GLRA1: variants seen among roughly 807,000 people sequenced by gnomAD.
The protein encoded by GLRA1 is glycine receptor alpha 1, also known as glycine receptor subunit alpha-1.
In GLRA1, 37 loss-of-function variants were observed where a neutral mutation model predicts 48.3. The ratio of observed to expected loss-of-function variants is 0.77; its 90% confidence interval spans 0.59 to 1.01. The LOEUF (loss-of-function observed/expected upper bound fraction) is 1.01, where lower values mean the gene tolerates loss of function less well. Among genes scored for constraint, GLRA1 ranks in the 50% least tolerant of loss-of-function variants. The pLI is 0.00. For missense variants in GLRA1, 427 were observed against 571.0 expected (o/e 0.75, Z 2.57); for synonymous variants, 196 against 210.7 (o/e 0.93, Z 0.60).
At chr5:151,869,105 AT>A (rs112857798) in intron 3 of GLRA1, among the ~76,000 whole-genome samples, 7,098 of 145,678 alleles carry the variant, frequency 0.049, 572 homozygotes, top group African/African-American at 0.17. Context: ...CATTTGCTAA[AT>A]TTTTTTTTTT....
At chr5:151,824,846 A>G (rs576294855) in intron 8 of GLRA1, among the ~76,000 whole-genome samples, 2 of 151,790 alleles carry the variant, frequency 1.3e-5, no homozygotes, top group East Asian at 1.9e-4. Context: ...TGCACTCTCA[A>G]CACTGAACAT....
At chr5:151,827,981 G>A (rs1763320403) in intron 8 of GLRA1, among the ~76,000 whole-genome samples, 1 of 152,144 alleles carries the variant, frequency 6.6e-6, no homozygotes, top group African/African-American at 2.4e-5. Flanking sequence ...TAGGCATTGT[G>A]TTAGGCACCA....
At chr5:151,824,374 T>C (rs1763220928) in intron 8 of GLRA1, among the ~76,000 whole-genome samples, 1 of 152,014 alleles carries the variant, frequency 6.6e-6, no homozygotes, top group Non-Finnish European at 1.5e-5. Context: ...TGGTCATCTT[T>C]TGCTTAGAAC....
chr5:151,867,918 T>C (rs1382438885), intron 3 of GLRA1, among the ~76,000 whole-genome samples: 2 of 152,208 alleles, frequency 1.3e-5, no homozygotes, highest in African/African-American at 4.8e-5. Flanking sequence ...AATGTCACAG[T>C]TTGATTTCAG....
At chr5:151,899,149 A>T (rs899146028) in intron 1 of GLRA1, among the ~76,000 whole-genome samples, 5 of 152,130 alleles carry the variant, frequency 3.3e-5, no homozygotes, top group African/African-American at 1.2e-4. Flanking sequence ...ATTCGATTTG[A>T]CTGGCCTTTG....
chr5:151,825,217 C>G (rs916747971), intron 8 of GLRA1, among the ~76,000 whole-genome samples: 7 of 152,114 alleles, frequency 4.6e-5, no homozygotes, highest in African/African-American at 1.4e-4. Flanking sequence ...AATTGCTGGA[C>G]CTAGTACTTA....
In GLRA1 at chr5:151,822,774, T is replaced by C; in HGVS notation, c.1249A>G (p.Lys417Glu). The change falls in exon 9 of 9, where the codon AAA becomes GAA. Residue 417 changes from lysine (K) to glutamate (E), a missense_variant. By Grantham distance (56) the Lys-to-Glu change is moderately conservative. Transcript: ENST00000274576. ...LFIQRAKKIDKISRIGFPMAF... is the reference protein window; with the variant it reads ...LFIQRAKKIDEISRIGFPMAF... ...ATGGGGAAGCCAATGCGGGATATTTTGTCGATCTTCTTGGCCCTCTGGATG... is the reference window on the plus strand; with the variant it reads ...ATGGGGAAGCCAATGCGGGATATTTCGTCGATCTTCTTGGCCCTCTGGATG... 3.7e-6 allele frequency: 6 copies of C among 1,613,996 alleles called. No individual in the cohort carries two copies. The highest frequency in any genetic ancestry group is 3.4e-6 in the Non-Finnish European group (4 of 1,179,898).
chr5:151,874,206 T>C (rs1753566076), intron 3 of GLRA1, among the ~76,000 whole-genome samples: 1 of 152,072 alleles, frequency 6.6e-6, no homozygotes. Flanking sequence ...AAATGGGCAG[T>C]CCCTTTACCA....
chr5:151,875,905 G>A (rs1009611631), intron 3 of GLRA1, among the ~76,000 whole-genome samples: 1 of 152,140 alleles, frequency 6.6e-6, no homozygotes, highest in African/African-American at 2.4e-5. Context: ...TTTATTGGCT[G>A]GAAAAATTTG....
intron 1 of GLRA1, among the ~76,000 whole-genome samples, chr5:151,916,887 G>C (rs1296643023): frequency 6.6e-6 from 1 of 152,108 alleles, no homozygotes; most frequent in Non-Finnish European, 1.5e-5. Flanking sequence ...ACCAGTTTGG[G>C]GATAGGGATA....
At chr5:151,829,733 A>G (rs912401467) in intron 7 of GLRA1, among the ~76,000 whole-genome samples, 10 of 152,208 alleles carry the variant, frequency 6.6e-5, no homozygotes, top group African/African-American at 2.4e-4. Context: ...CATTACCTCA[A>G]AAAGAAATGT....
At position 151,880,189 on chromosome 5, in the gene GLRA1, G is replaced by T. The variant is rs193217360; in HGVS notation, c.252+6532C>A. ...ATTAGCAGTGTGAAAATGGACTAATGCAAAGTCTTTGCTTTGGCTGACTAG... is the reference window on the plus strand; with the variant it reads ...ATTAGCAGTGTGAAAATGGACTAATTCAAAGTCTTTGCTTTGGCTGACTAG... On this transcript the variant is annotated intron_variant, in intron 3 of 8. Transcript: ENST00000274576. Among the ~76,000 whole-genome samples the T allele has an allele frequency of 1.4e-3, 209 of 152,300 alleles. 3 individuals are homozygous for T. In the South Asian group the frequency reaches 0.041, roughly 30 times the overall value.
At chr5:151,831,125 TA>T (rs368613390) in intron 7 of GLRA1, among the ~76,000 whole-genome samples, 1 of 152,232 alleles carries the variant, frequency 6.6e-6, no homozygotes, top group African/African-American at 2.4e-5. Context: ...CCCCAGATAC[TA>T]CTCTTTTCCC....
At chr5:151,835,170 C>G (rs905959352) in intron 7 of GLRA1, among the ~76,000 whole-genome samples, 34 of 151,824 alleles carry the variant, frequency 2.2e-4, no homozygotes, top group African/African-American at 7.5e-4. Flanking sequence ...ACTAGAAAAT[C>G]TAGGAGAAAT....
intron 1 of GLRA1, among the ~76,000 whole-genome samples, chr5:151,900,614 G>A (rs1386533935): frequency 6.6e-6 from 1 of 152,124 alleles, no homozygotes; most frequent in Non-Finnish European, 1.5e-5. Flanking sequence ...CTTGTGACTT[G>A]ATCTGTCCAA....
At chr5:151,848,695 C>G (rs1752745144) in intron 7 of GLRA1, among the ~76,000 whole-genome samples, 2 of 152,216 alleles carry the variant, frequency 1.3e-5, no homozygotes, top group African/African-American at 4.8e-5. Context: ...TTCTTTCCCC[C>G]TGATGAGCTA....
intron 7 of GLRA1, 126 bp from the exon 8 acceptor site, chr5:151,829,193 G>A: frequency 1.2e-6 from 1 of 847,274 alleles, no homozygotes; most frequent in East Asian, 2.6e-5. Context: ...CTTCTCAGCT[G>A]GGATATTAGG....
intron 1 of GLRA1, among the ~76,000 whole-genome samples, chr5:151,921,721 T>TG (rs1047305398): frequency 1.3e-5 from 2 of 152,176 alleles, no homozygotes; most frequent in Admixed American, 6.5e-5. Context: ...ATTTGCCTAT[T>TG]ATTTTTGACC....
At chr5:151,854,021 G>A (rs1752975211) in intron 6 of GLRA1, among the ~76,000 whole-genome samples, 1 of 152,118 alleles carries the variant, frequency 6.6e-6, no homozygotes, top group African/African-American at 2.4e-5. Context: ...TTCGATATAT[G>A]CAATTGTTAT....
Sources: gnomAD v4.1 joint callset for allele counts (sites outside exome capture counted in the v4.1 genomes callset) on GRCh38, gnomAD v4.1.1 for gene constraint, MANE v1.5 for transcripts, NCBI Gene and HGNC (gene_info 2026-07-23, HGNC 2026-07-21) for gene names.